The following HNF1B variants were observed in gnomAD, a reference collection of about 807,000 sequenced individuals.
HNF1B encodes HNF1 homeobox B.
In HNF1B, 8 loss-of-function variants were observed where a neutral mutation model predicts 61.7. That is an observed-to-expected ratio of 0.13 (90% CI 0.08 to 0.23). The LOEUF (loss-of-function observed/expected upper bound fraction) is 0.23. Among genes scored for constraint, HNF1B ranks in the 10% least tolerant of loss-of-function variants. The pLI is 1.00. For missense variants in HNF1B, 562 were observed against 714.5 expected (o/e 0.79, Z 2.43); for synonymous variants, 314 against 287.7 (o/e 1.09, Z -0.93).
intron 4 of HNF1B, among the ~76,000 whole-genome samples, chr17:37,721,687 T>C (rs2033320159): frequency 6.6e-6 from 1 of 150,702 alleles, no homozygotes; most frequent in Non-Finnish European, 1.5e-5. Flanking sequence ...CCTAGTAATG[T>C]CAACCCTGAC....
At position 37,687,094 on chromosome 17, in the gene HNF1B, T is replaced by C; in HGVS notation, c.*278A>G. 1.6e-6 allele frequency: 1 copy of C among 614,554 alleles called. No homozygotes were observed. The highest frequency in any genetic ancestry group is 2.7e-5 in the Admixed American group (1 of 36,534). The allele number at this position is 614,554 out of a possible 1,614,324, so 38.1% of individuals were successfully genotyped here. ...ACAGTACGGCTTTCTTGCTTCCTCT[T>C]CGGAGGTTCCTTGTCTCCCACCTCC... On this transcript the variant is annotated 3_prime_UTR_variant, in exon 9 of 9. Transcript: ENST00000617811.
At chr17:37,713,640 T>C (rs1278731501) in intron 4 of HNF1B, among the ~76,000 whole-genome samples, 1 of 152,244 alleles carries the variant, frequency 6.6e-6, no homozygotes, top group Non-Finnish European at 1.5e-5. Flanking sequence ...ATCCCTGTTT[T>C]AATCTCAGCT....
At chr17:37,741,092 A>T (rs78053507) in intron 1 of HNF1B, among the ~76,000 whole-genome samples, 1 of 152,204 alleles carries the variant, frequency 6.6e-6, no homozygotes, top group Non-Finnish European at 1.5e-5. Flanking sequence ...TAGAACAAGA[A>T]AAAAAACGGA....
intron 8 of HNF1B, among the ~76,000 whole-genome samples, chr17:37,690,712 C>G (rs2032171474): frequency 6.6e-6 from 1 of 152,010 alleles, no homozygotes; most frequent in Non-Finnish European, 1.5e-5. Context: ...AATGGAGAAG[C>G]CCATGGGGGA....
intron 4 of HNF1B, among the ~76,000 whole-genome samples, chr17:37,718,110 GTTTTC>G (rs1173175431): frequency 1.3e-5 from 2 of 151,616 alleles, no homozygotes; most frequent in Middle Eastern, 3.2e-3. Context: ...CCACAAACTG[GTTTTC>G]TTATTTAAAA....
At chr17:37,710,400 G>A (rs760657443) in intron 5 of HNF1B, 103 bp downstream of exon 5, 31 of 1,436,916 alleles carry the variant, frequency 2.2e-5, no homozygotes, top group African/African-American at 5.6e-5. Flanking sequence ...TCCCCTATGG[G>A]GCTACAATGG....
intron 5 of HNF1B, among the ~76,000 whole-genome samples, chr17:37,706,455 A>G (rs2147462193): frequency 6.6e-6 from 1 of 152,202 alleles, no homozygotes; most frequent in Non-Finnish European, 1.5e-5. Context: ...ACCAGCACCC[A>G]GGTAAGATGC....
intron 8 of HNF1B, among the ~76,000 whole-genome samples, chr17:37,688,738 G>C (rs1481276504): frequency 6.6e-6 from 1 of 152,196 alleles, no homozygotes; most frequent in East Asian, 1.9e-4. Flanking sequence ...GGGAGTTGTT[G>C]TGTGATTAGA....
At position 37,731,697 on chromosome 17, in the gene HNF1B, T is replaced by C; in HGVS notation, c.943A>G (p.Met315Val). ...KEEAFRQKLA[M>V]DAYSSNQTHS... ...GTCTGGTTGGAGCTATAGGCGTCCATGGCCAGCTTTTGCCGGAATGCCTCC... is the reference window on the plus strand; with the variant it reads ...GTCTGGTTGGAGCTATAGGCGTCCACGGCCAGCTTTTGCCGGAATGCCTCC... The change falls in exon 4 of 9, where the codon ATG (methionine) becomes GTG (valine). Residue 315 changes from methionine (M) to valine (V), a missense_variant. Met to Val is a conservative substitution (Grantham distance 21). Coordinates refer to ENST00000617811, the MANE Select transcript of HNF1B (RefSeq NM_000458.4). The C allele has an allele frequency of 3.7e-6, 6 of 1,614,128 alleles. No homozygotes were observed. Among genetic ancestry groups the C allele is most frequent in the Non-Finnish European group, 5.1e-6 (6 of 1,180,010 alleles).
Position 37,687,315 on chromosome 17 carries a change from G to A in HNF1B, c.*57C>T, listed in dbSNP as rs1272071787. On this transcript the variant is annotated 3_prime_UTR_variant, in exon 9 of 9. Coordinates refer to ENST00000617811, the MANE Select transcript of HNF1B (RefSeq NM_000458.4). ...TTTCCATGACAGCTGCCCAGAGGGT[G>A]ATGGTGTGGAAAACAGGGTCCTTGT... 1.2e-6 allele frequency: 2 copies of A among 1,614,042 alleles called. No individual in the cohort carries two copies. The highest frequency in any genetic ancestry group is 1.3e-5 in the African/African-American group (1 of 75,038).
chr17:37,723,143 T>C (rs1248947848), intron 4 of HNF1B, among the ~76,000 whole-genome samples: 2 of 150,162 alleles, frequency 1.3e-5, no homozygotes, highest in Admixed American at 6.7e-5. Context: ...ATGGAGACCA[T>C]CCTGGCTAAC....
intron 8 of HNF1B, among the ~76,000 whole-genome samples, chr17:37,690,607 C>G (rs2032167250): frequency 6.6e-6 from 1 of 152,004 alleles, no homozygotes; most frequent in Non-Finnish European, 1.5e-5. Flanking sequence ...CTGAGGGTCC[C>G]CTAGTAGAAC....
At chr17:37,708,349 C>T (rs1003115036) in intron 5 of HNF1B, among the ~76,000 whole-genome samples, 3 of 152,192 alleles carry the variant, frequency 2.0e-5, no homozygotes, top group Non-Finnish European at 2.9e-5. Flanking sequence ...TGTTTGCTAA[C>T]GTTGAGGTGT....
At position 37,739,426 on chromosome 17, in the gene HNF1B, A is replaced by T. The variant is rs759120365; in HGVS notation, c.544+14T>A. 63 of 1,613,458 alleles carry T rather than the reference A, an allele frequency of 3.9e-5. No homozygotes were observed. The Admixed American group carries it at 1.0e-3, about 26-fold the overall frequency. On this transcript the variant is annotated intron_variant, in intron 2 of 8. Coordinates refer to ENST00000617811, the MANE Select transcript of HNF1B (RefSeq NM_000458.4). ...CACTTCAGGTTGAGGCAGAGGCAGG[A>T]TGAAAACACTTACGTCGGAGGATCT...
Position 37,733,804 on chromosome 17 carries a change from G to A in HNF1B, c.562C>T (p.Gln188Ter). The A allele has an allele frequency of 6.2e-7, 1 of 1,614,158 alleles. No homozygotes were observed. Among genetic ancestry groups the A allele is most frequent in the Non-Finnish European group, 8.5e-7 (1 of 1,180,030 alleles). The part of the protein sequence containing the change: ...EILRQFNQTV[Q>*]SSGNMTDKSS... ...TTGTCTGTCATATTTCCAGAACTCT[G>A]GACTGTCTGGTTGAATTCTGAAAAG... The change falls in exon 3 of 9, where the codon CAG (glutamine) becomes TAG (stop). Residue 188 changes from glutamine (Q) to a stop codon, truncating the protein, a stop_gained. Transcript: ENST00000617811. LOFTEE classifies it high-confidence loss of function.
intron 8 of HNF1B, among the ~76,000 whole-genome samples, chr17:37,695,223 A>C (rs1387335038): frequency 6.6e-6 from 1 of 152,236 alleles, no homozygotes; most frequent in Non-Finnish European, 1.5e-5. Flanking sequence ...CCTGGCTCAA[A>C]GAGCCCCAGG....
chr17:37,737,154 T>C (rs933725850), intron 2 of HNF1B, among the ~76,000 whole-genome samples: 5 of 152,182 alleles, frequency 3.3e-5, no homozygotes, highest in African/African-American at 1.2e-4. Flanking sequence ...TCTTCCTCCT[T>C]CTCCTCACCC....
At chr17:37,711,684 C>CA (rs1374571357) in intron 4 of HNF1B, among the ~76,000 whole-genome samples, 3 of 152,188 alleles carry the variant, frequency 2.0e-5, no homozygotes, top group Non-Finnish European at 4.4e-5. Context: ...CTTAGAAAGA[C>CA]AGTGTTCTTG....
rs754596510 is a variant in HNF1B at position 37,721,354 on chromosome 17, G to C, written c.1045+10241C>G. Among the ~76,000 whole-genome samples the C allele has an allele frequency of 7.2e-5, 11 of 152,144 alleles. No individual in the cohort carries two copies. The South Asian group carries it at 8.3e-4, about 11-fold the overall frequency. On this transcript the variant is annotated intron_variant, in intron 4 of 8. Coordinates refer to ENST00000617811, the MANE Select transcript of HNF1B (RefSeq NM_000458.4). Reference sequence around the variant, plus strand: ...AGGGAGAGAAGGAGAGAGAGACAATGATGAGTTTCACAATAAAATACCACA... The same window carrying C: ...AGGGAGAGAAGGAGAGAGAGACAATCATGAGTTTCACAATAAAATACCACA...
Sources: allele counts gnomAD v4.1 joint callset (sites outside exome capture counted in the v4.1 genomes callset), GRCh38; gene constraint gnomAD v4.1.1; transcripts MANE v1.5; gene names NCBI Gene and HGNC (gene_info 2026-07-23, HGNC 2026-07-21).